The following NEK7 variants were observed in gnomAD, a reference collection of about 807,000 sequenced individuals.
NEK7 encodes NIMA related kinase 7.
NEK7 carries 18 observed loss-of-function variants against 44.6 expected under a neutral mutation model. The observed-to-expected ratio is 0.40, with a 90% confidence interval of 0.28 to 0.60. The LOEUF (loss-of-function observed/expected upper bound fraction) is 0.60, where lower values mean the gene tolerates loss of function less well. Among genes scored for constraint, NEK7 ranks in the 20% least tolerant of loss-of-function variants. The pLI, the probability that NEK7 is intolerant of heterozygous loss-of-function variation, is 0.38. For synonymous variants in NEK7, 130 were observed against 121.1 expected, an observed-to-expected ratio of 1.07 and a Z score of -0.48; for missense variants, 256 against 366.5, an observed-to-expected ratio of 0.70 and a Z score of 2.46.
intron 7 of NEK7, among the ~76,000 whole-genome samples, chr1:198,280,508 C>T (rs1654162090): frequency 6.6e-6 from 1 of 151,944 alleles, no homozygotes; most frequent in Admixed American, 6.6e-5. Context: ...TATATGAAAC[C>T]CACTTCTTAA....
intron 1 of NEK7, among the ~76,000 whole-genome samples, chr1:198,227,987 T>A (rs1202188765): frequency 6.6e-6 from 1 of 152,132 alleles, no homozygotes; most frequent in African/African-American, 2.4e-5. Context: ...TCTTCTAGGG[T>A]TTTTATGGTT....
At chr1:198,248,629 T>A (rs568782704) in intron 2 of NEK7, among the ~76,000 whole-genome samples, 10 of 152,196 alleles carry the variant, frequency 6.6e-5, no homozygotes, top group Non-Finnish European at 1.5e-4. Flanking sequence ...TTCTTGACAC[T>A]GGACATATTC....
At chr1:198,229,705 T>C (rs184777517) in intron 1 of NEK7, among the ~76,000 whole-genome samples, 21 of 152,314 alleles carry the variant, frequency 1.4e-4, no homozygotes, top group Non-Finnish European at 1.9e-4. Flanking sequence ...AAAAACACAG[T>C]TTGTGGCTTT....
intron 1 of NEK7, among the ~76,000 whole-genome samples, chr1:198,191,659 A>C (rs896343954): frequency 1.3e-5 from 2 of 151,806 alleles, no homozygotes; most frequent in Non-Finnish European, 2.9e-5. Flanking sequence ...GTTTTTTTAT[A>C]GTTTGTAATA....
At chr1:198,169,113 GT>G (rs1258805244) in intron 1 of NEK7, among the ~76,000 whole-genome samples, 1 of 152,096 alleles carries the variant, frequency 6.6e-6, no homozygotes, top group East Asian at 1.9e-4. Context: ...AGCTCTATGT[GT>G]TAGTTTTTAA....
intron 1 of NEK7, among the ~76,000 whole-genome samples, chr1:198,159,817 T>C (rs1194504872): frequency 1.3e-5 from 2 of 152,112 alleles, no homozygotes; most frequent in African/African-American, 4.8e-5. Context: ...GAGGGGAGAT[T>C]TGATGCCTCT....
rs1655513108 is a variant in NEK7 at position 198,320,776 on chromosome 1, G to GC, written c.*1256dup. The GC allele has an allele frequency of 6.6e-6, 1 of 152,136 alleles. No homozygotes were observed. The allele number at this position is 152,136 out of a possible 1,614,324, so 9.4% of individuals were successfully genotyped here. Reference sequence around the variant, plus strand: ...AATATGCTTAATAAAATGAAAACTGGCCATGACTACAGCCAGAACTGTTAT... The same window carrying GC: ...AATATGCTTAATAAAATGAAAACTGGCCCATGACTACAGCCAGAACTGTTAT... On this transcript the variant is annotated 3_prime_UTR_variant, in exon 10 of 10. Transcript: ENST00000367385.
In NEK7 at chr1:198,319,436, A is replaced by G; in HGVS notation, c.823A>G (p.Ile275Val). Reference sequence around the variant, plus strand: ...GCTCCGACAGTTAGTTAATATGTGCATCAACCCAGATCCAGAGAAGCGACC... The same window carrying G: ...GCTCCGACAGTTAGTTAATATGTGCGTCAACCCAGATCCAGAGAAGCGACC... ...EELRQLVNMCINPDPEKRPDV... is the reference protein window; with the variant it reads ...EELRQLVNMCVNPDPEKRPDV... The change falls in exon 10 of 10, where the codon ATC becomes GTC. Residue 275 changes from isoleucine to valine, a missense_variant. This residue lies in a region of NEK7 where 58 missense variants were observed against 66.5 expected (regional missense o/e 0.87). Transcript: ENST00000367385. 1 of 1,612,970 alleles carries G rather than the reference A, an allele frequency of 6.2e-7. No homozygotes were observed. The highest frequency in any genetic ancestry group is 8.5e-7 in the Non-Finnish European group (1 of 1,179,314).
intron 1 of NEK7, among the ~76,000 whole-genome samples, chr1:198,179,621 T>A (rs1571505457): frequency 6.6e-6 from 1 of 152,154 alleles, no homozygotes; most frequent in East Asian, 1.9e-4. Context: ...TGGGACAGAC[T>A]CTCCAGGATG....
intron 1 of NEK7, among the ~76,000 whole-genome samples, chr1:198,193,483 A>C (rs978138553): frequency 1.4e-4 from 22 of 152,286 alleles, no homozygotes; most frequent in African/African-American, 4.8e-4. Context: ...TCCTGATACC[A>C]AAACCTGGCA....
intron 1 of NEK7, among the ~76,000 whole-genome samples, chr1:198,205,687 A>T (rs1036377428): frequency 2.0e-5 from 3 of 151,670 alleles, no homozygotes. Flanking sequence ...GCTTTCTCAT[A>T]CACATCCTAA....
chr1:198,249,643 G>A (rs1468140604), intron 2 of NEK7, among the ~76,000 whole-genome samples: 2 of 151,736 alleles, frequency 1.3e-5, no homozygotes, highest in African/African-American at 2.4e-5. Context: ...GCCAGTGATG[G>A]TGAGCATTTT....
At chr1:198,244,059 A>T (rs893726929) in intron 2 of NEK7, among the ~76,000 whole-genome samples, 1 of 152,168 alleles carries the variant, frequency 6.6e-6, no homozygotes, top group African/African-American at 2.4e-5. Flanking sequence ...TGCTAAATAA[A>T]ATTTGAAAGA....
chr1:198,248,490 C>G (rs545879232), intron 2 of NEK7, among the ~76,000 whole-genome samples: 1 of 150,440 alleles, frequency 6.6e-6, no homozygotes, highest in South Asian at 2.1e-4. Flanking sequence ...AGAGCCTCTT[C>G]TATGTATTTG....
intron 7 of NEK7, among the ~76,000 whole-genome samples, chr1:198,288,231 A>AT (rs1654439460): frequency 6.6e-6 from 1 of 152,186 alleles, no homozygotes; most frequent in Admixed American, 6.5e-5. Flanking sequence ...TCACTGATTT[A>AT]TTTTTAACTT....
chr1:198,300,713 A>G (rs912898837), intron 9 of NEK7, among the ~76,000 whole-genome samples: 26 of 151,828 alleles, frequency 1.7e-4, no homozygotes, highest in African/African-American at 6.3e-4. Context: ...AAGGCTTAGT[A>G]ATTGATTGAT....
chr1:198,299,104 G>T (rs573744593), intron 9 of NEK7, among the ~76,000 whole-genome samples: 3 of 152,264 alleles, frequency 2.0e-5, no homozygotes, highest in Admixed American at 6.5e-5. Flanking sequence ...ACATTATATG[G>T]TGTACTTTCC....
chr1:198,254,282 C>G (rs563048622), intron 3 of NEK7, among the ~76,000 whole-genome samples: 1 of 152,184 alleles, frequency 6.6e-6, no homozygotes, highest in East Asian at 1.9e-4. Context: ...CATGTGTGTG[C>G]TACTCCCTTC....
intron 1 of NEK7, among the ~76,000 whole-genome samples, chr1:198,179,331 T>A (rs543834237): frequency 5.9e-5 from 9 of 152,246 alleles, no homozygotes; most frequent in African/African-American, 2.2e-4. Flanking sequence ...TTTAAAAATG[T>A]AGAACATGCA....
Sources: gnomAD v4.1 joint callset for allele counts (sites outside exome capture counted in the v4.1 genomes callset) on GRCh38, gnomAD v4.1.1 for gene constraint, gnomAD v4.1.1 regional missense constraint, MANE v1.5 for transcripts, NCBI Gene and HGNC (gene_info 2026-07-23, HGNC 2026-07-21) for gene names.